The following NRG1 variants were observed in gnomAD, a reference collection of about 807,000 sequenced individuals.
NRG1 encodes neuregulin 1, also known as pro-neuregulin-1, membrane-bound isoform.
NRG1 carries 18 observed loss-of-function variants against 63.8 expected under a neutral mutation model. That is an observed-to-expected ratio of 0.28 (90% CI 0.19 to 0.42). The LOEUF (loss-of-function observed/expected upper bound fraction) is 0.42, where lower values mean the gene tolerates loss of function less well. Ranked by LOEUF, NRG1 falls within the 10% of genes least tolerant of loss-of-function variation. NRG1 has a pLI of 1.00. For missense variants in NRG1, 762 were observed against 814.7 expected (o/e 0.94, Z 0.79); for synonymous variants, 302 against 301.3 (o/e 1.00, Z -0.02).
intron 1 of NRG1, among the ~76,000 whole-genome samples, chr8:31,844,824 TA>T (rs201406197): frequency 4.0e-5 from 6 of 150,858 alleles, no homozygotes; most frequent in East Asian, 3.9e-4. Context: ...CAAAGGGAAT[TA>T]AAAAAAAATG....
intron 1 of NRG1, among the ~76,000 whole-genome samples, chr8:31,851,671 A>G (rs1312837823): frequency 6.6e-6 from 1 of 151,684 alleles, no homozygotes; most frequent in African/African-American, 2.4e-5. Context: ...GGTTAGTTAC[A>G]TATGTATACA....
chr8:31,661,286 C>G (rs561661572), intron 1 of NRG1, among the ~76,000 whole-genome samples: 2 of 152,116 alleles, frequency 1.3e-5, no homozygotes, highest in Admixed American at 1.3e-4. Flanking sequence ...GAGGTCTGAC[C>G]GCCTTTTATC....
At chr8:31,789,754 A>G (rs1820519797) in intron 1 of NRG1, among the ~76,000 whole-genome samples, 1 of 152,156 alleles carries the variant, frequency 6.6e-6, no homozygotes, top group African/African-American at 2.4e-5. Flanking sequence ...CATTGCTATG[A>G]TGGTTCTGGA....
intron 1 of NRG1, among the ~76,000 whole-genome samples, chr8:32,220,333 C>T (rs1845680685): frequency 6.6e-6 from 1 of 152,128 alleles, no homozygotes; most frequent in Non-Finnish European, 1.5e-5. Context: ...AAAGCATCTG[C>T]TTCTGCAGGT....
intron 1 of NRG1, among the ~76,000 whole-genome samples, chr8:32,318,003 A>C (rs1226882674): frequency 3.9e-5 from 6 of 152,218 alleles, no homozygotes; most frequent in Non-Finnish European, 8.8e-5. Flanking sequence ...AAGGGAGAAA[A>C]AAAATGAGTA....
chr8:32,743,429 A>G (rs1286483691), intron 7 of NRG1, among the ~76,000 whole-genome samples: 2 of 151,806 alleles, frequency 1.3e-5, no homozygotes, highest in Admixed American at 6.6e-5. Context: ...TTAGTTTCAA[A>G]AGTAACTTAG....
chr8:31,876,373 G>A (rs1169593105), intron 1 of NRG1, among the ~76,000 whole-genome samples: 2 of 152,200 alleles, frequency 1.3e-5, no homozygotes, highest in African/African-American at 4.8e-5. Context: ...TCTGTTTGAG[G>A]TTGGAAAATC....
chr8:32,498,876 C>T lies in NRG1; in HGVS notation c.38-96952C>T, dbSNP rs368531509. 3.9e-5 allele frequency among the ~76,000 whole-genome samples: 6 copies of T among 152,152 alleles called. No homozygotes were observed. In the East Asian group the frequency reaches 1.2e-3, roughly 29 times the overall value. On this transcript the variant is annotated intron_variant, in intron 1 of 10. Transcript: ENST00000519301. ...GAAAGACAGAGAACTGTTCCTGCAT[C>T]CATTGATTATCAATTGCCTTCAGCT...
chr8:32,444,322 T>C (rs980394207), intron 1 of NRG1, among the ~76,000 whole-genome samples: 5 of 152,006 alleles, frequency 3.3e-5, no homozygotes, highest in South Asian at 2.1e-4. Context: ...TGTTTGTTTG[T>C]TTGTTTTTGT....
At chr8:32,695,069 A>G (rs1439238195) in intron 5 of NRG1, among the ~76,000 whole-genome samples, 4 of 152,132 alleles carry the variant, frequency 2.6e-5, no homozygotes, top group Non-Finnish European at 5.9e-5. Flanking sequence ...GAAAATTACT[A>G]AACAGGCTGG....
Position 31,832,891 on chromosome 8 carries a change from G to C in NRG1, c.37+193460G>C, listed in dbSNP as rs545890267. On this transcript the variant is annotated intron_variant, in intron 1 of 10. Coordinates refer to the NRG1 transcript ENST00000519301. ...TCAGTTTTTCTTTTGCAAGTGTTTT[G>C]AGGAGATCAGATTGTTAATGAACAT... Among the ~76,000 whole-genome samples the C allele has an allele frequency of 4.6e-5, 7 of 152,222 alleles. 1 individual carries two copies. In the South Asian group the frequency reaches 1.5e-3, roughly 32 times the overall value.
intron 1 of NRG1, among the ~76,000 whole-genome samples, chr8:32,103,760 T>G (rs1434898203): frequency 2.6e-5 from 4 of 152,104 alleles, no homozygotes; most frequent in Non-Finnish European, 4.4e-5. Flanking sequence ...TTGTTGTTGT[T>G]TTGAGACCTA....
intron 1 of NRG1, among the ~76,000 whole-genome samples, chr8:31,739,203 C>T (rs572895927): frequency 3.3e-5 from 5 of 152,168 alleles, no homozygotes; most frequent in South Asian, 2.1e-4. Flanking sequence ...TCTGATAAAG[C>T]GTTAGAATTT....
chr8:32,177,961 T>C (rs1840984229), intron 1 of NRG1, among the ~76,000 whole-genome samples: 1 of 152,080 alleles, frequency 6.6e-6, no homozygotes, highest in Non-Finnish European at 1.5e-5. Context: ...TGTTACTCAT[T>C]GAATCAGGAG....
chr8:32,362,813 G>T (rs1405288462), intron 1 of NRG1, among the ~76,000 whole-genome samples: 2 of 152,156 alleles, frequency 1.3e-5, no homozygotes, highest in African/African-American at 2.4e-5. Context: ...AATCAGAAAA[G>T]ATTGCAGCAC....
At chr8:31,772,364 C>T (rs1335503302) in intron 1 of NRG1, among the ~76,000 whole-genome samples, 1 of 152,158 alleles carries the variant, frequency 6.6e-6, no homozygotes, top group African/African-American at 2.4e-5. Flanking sequence ...ACTCTCTACA[C>T]AGTAAGGGCT....
intron 2 of NRG1, among the ~76,000 whole-genome samples, chr8:32,598,259 GGGA>G (rs1443623231): frequency 2.0e-5 from 3 of 152,036 alleles, no homozygotes; most frequent in Non-Finnish European, 4.4e-5. Context: ...GAGGAAGGGA[GGGA>G]GGAGAATTTC....
chr8:32,331,408 G>A (rs1802639214), intron 1 of NRG1, among the ~76,000 whole-genome samples: 2 of 148,486 alleles, frequency 1.3e-5, no homozygotes, highest in East Asian at 2.0e-4. Flanking sequence ...ATATGCCCCT[G>A]TTGTCCTAGC....
chr8:31,703,692 G>T (rs2131204694), intron 1 of NRG1, among the ~76,000 whole-genome samples: 1 of 152,190 alleles, frequency 6.6e-6, no homozygotes, highest in African/African-American at 2.4e-5. Flanking sequence ...ACAAGAAACT[G>T]GTCTGTAGAC....
Sources: gnomAD v4.1 joint callset for allele counts (sites outside exome capture counted in the v4.1 genomes callset) on GRCh38, gnomAD v4.1.1 for gene constraint, MANE v1.5 for transcripts, NCBI Gene and HGNC (gene_info 2026-07-23, HGNC 2026-07-21) for gene names.